ADAMTSL1: variants seen among roughly 807,000 people sequenced by gnomAD.
ADAMTSL1 encodes ADAMTS-like protein 1.
Under a neutral mutation model 201.8 loss-of-function variants are expected in ADAMTSL1, and 126 were observed. The observed-to-expected ratio is 0.62, with a 90% CI of 0.54 to 0.72. The LOEUF is 0.72. Ranked by LOEUF, ADAMTSL1 falls within the 30% of genes least tolerant of loss-of-function variation. ADAMTSL1 has a pLI of 0.00. For missense variants in ADAMTSL1, 2,679 were observed against 2,277.8 expected (o/e 1.18, Z -3.59); for synonymous variants, 1,121 against 903.4 (o/e 1.24, Z -4.32).
At chr9:18,829,633 C>G (rs1474337807) in intron 22 of ADAMTSL1, among the ~76,000 whole-genome samples, 1 of 152,174 alleles carries the variant, frequency 6.6e-6, no homozygotes, top group African/African-American at 2.4e-5. Flanking sequence ...CTTATTATTT[C>G]AGGCATCAAA....
In ADAMTSL1 at chr9:18,632,935, A is replaced by G. The variant is rs1333735642; in HGVS notation, c.602-3008A>G. ...ATACCCTCTTCCTCAACAACTTTCT[A>G]GGAGGTTCTTCTCCTCTCTTTTTTG... On this transcript the variant is annotated intron_variant, in intron 5 of 28. Transcript: ENST00000380548. Among the ~76,000 whole-genome samples the G allele has an allele frequency of 2.6e-5, 4 of 152,236 alleles. No individual in the cohort carries two copies. The East Asian group carries it at 7.7e-4, about 29-fold the overall frequency.
chr9:17,966,093 T>C (rs536782531), intron 1 of ADAMTSL1, among the ~76,000 whole-genome samples: 3 of 152,284 alleles, frequency 2.0e-5, no homozygotes, highest in Admixed American at 2.0e-4. Flanking sequence ...CCACATATTT[T>C]AGAAATGTTG....
Position 18,685,022 on chromosome 9 carries a change from G to A in ADAMTSL1, c.1574+222G>A. ...GTTTTGCCTAAAGTAAGAAAATGAA[G>A]GTGTAGTGCTTACCCTCTTCTCCAA... On this transcript the variant is annotated intron_variant, in intron 13 of 28. Transcript: ENST00000380548. 3.2e-6 allele frequency: 4 copies of A among 1,267,010 alleles called. No individual in the cohort carries two copies. In the South Asian group the frequency reaches 8.1e-5, roughly 26 times the overall value. 78.5% of individuals were successfully genotyped at this position (1,267,010 alleles called of 1,614,324 possible).
intron 15 of ADAMTSL1, among the ~76,000 whole-genome samples, chr9:18,748,188 G>A (rs1411112530): frequency 2.0e-5 from 3 of 152,106 alleles, no homozygotes; most frequent in African/African-American, 7.2e-5. Context: ...AAAGAATGCT[G>A]GGGAAACCAG....
chr9:18,502,100 T>C (rs1822873536), intron 1 of ADAMTSL1, among the ~76,000 whole-genome samples: 1 of 152,232 alleles, frequency 6.6e-6, no homozygotes, highest in Admixed American at 6.5e-5. Context: ...TCTCCAAGGA[T>C]TTGGCATTCG....
At chr9:18,443,484 C>T (rs939430723) in intron 2 of ADAMTSL1, among the ~76,000 whole-genome samples, 2 of 152,168 alleles carry the variant, frequency 1.3e-5, no homozygotes, top group Non-Finnish European at 1.5e-5. Context: ...AGGTATTCTT[C>T]TCAGGGTTTT....
intron 23 of ADAMTSL1, among the ~76,000 whole-genome samples, chr9:18,844,736 G>A (rs1352220093): frequency 6.6e-6 from 1 of 152,246 alleles, no homozygotes; most frequent in African/African-American, 2.4e-5. Context: ...GCAAGCCTGG[G>A]CAATGGCGGG....
At chr9:17,956,112 A>G (rs1428460772) in intron 1 of ADAMTSL1, among the ~76,000 whole-genome samples, 3 of 152,208 alleles carry the variant, frequency 2.0e-5, no homozygotes, top group Non-Finnish European at 4.4e-5. Flanking sequence ...TATCCATGGA[A>G]CTAATATTAT....
At chr9:18,754,976 C>T (rs761457648) in intron 16 of ADAMTSL1, among the ~76,000 whole-genome samples, 6 of 152,074 alleles carry the variant, frequency 3.9e-5, no homozygotes, top group Non-Finnish European at 5.9e-5. Context: ...TTTTATTAGC[C>T]TTACTTTAGG....
At chr9:18,645,007 G>A (rs1299420522) in intron 7 of ADAMTSL1, among the ~76,000 whole-genome samples, 1 of 152,106 alleles carries the variant, frequency 6.6e-6, no homozygotes, top group Non-Finnish European at 1.5e-5. Flanking sequence ...CCCACCAACA[G>A]TGTAAAAGTG....
At chr9:18,769,841 G>C (rs1005815637) in intron 16 of ADAMTSL1, among the ~76,000 whole-genome samples, 9 of 152,138 alleles carry the variant, frequency 5.9e-5, no homozygotes, top group African/African-American at 1.4e-4. Context: ...GTGAAAAGCT[G>C]GGGACTCCTT....
chr9:17,913,487 C>T lies in ADAMTSL1; in HGVS notation c.87+6565C>T, dbSNP rs147921591. ...TGAATGGGAGTTCACTCATGAGACA[C>T]AACATACCAGAATCTCTGGGACACA... On this transcript the variant is annotated intron_variant, in intron 1 of 29. Coordinates refer to the ADAMTSL1 transcript ENST00000680146. 3.0e-3 allele frequency among the ~76,000 whole-genome samples: 454 copies of T among 152,148 alleles called. 2 individuals carry two copies. Among genetic ancestry groups the T allele is most frequent in the Admixed American group, 4.1e-3 (62 of 15,284 alleles).
At position 18,377,337 on chromosome 9, in the gene ADAMTSL1, A is replaced by G. The variant is rs75155945; in HGVS notation, c.208-127492A>G. 2.0e-5 allele frequency among the ~76,000 whole-genome samples: 3 copies of G among 152,334 alleles called. No individual in the cohort carries two copies. In the East Asian group the frequency reaches 5.8e-4, roughly 29 times the overall value. On this transcript the variant is annotated intron_variant, in intron 2 of 29. Transcript: ENST00000680146. ...TCTGGCTATAGTAGGCACTCAGTGA[A>G]TATTATATTTTGTTTAAAGCATTCT...
At chr9:18,345,975 C>T (rs957489647) in intron 2 of ADAMTSL1, among the ~76,000 whole-genome samples, 5 of 152,078 alleles carry the variant, frequency 3.3e-5, no homozygotes, top group Non-Finnish European at 5.9e-5. Flanking sequence ...TAGCAGTGGT[C>T]CTGGCCCTCT....
intron 2 of ADAMTSL1, among the ~76,000 whole-genome samples, chr9:18,338,725 G>A (rs1052156941): frequency 1.3e-5 from 2 of 152,104 alleles, no homozygotes; most frequent in Non-Finnish European, 2.9e-5. Flanking sequence ...TGTCACCAAG[G>A]TAATAAACAT....
At chr9:17,999,876 C>T (rs4007669) in intron 1 of ADAMTSL1, among the ~76,000 whole-genome samples, 10,418 of 146,088 alleles carry the variant, frequency 0.071, 397 homozygotes, top group African/African-American at 0.099. Flanking sequence ...GTTCTTGCGA[C>T]AGTTTACTGA....
chr9:18,511,275 T>C (rs146003445), intron 2 of ADAMTSL1, among the ~76,000 whole-genome samples: 1 of 151,936 alleles, frequency 6.6e-6, no homozygotes, highest in East Asian at 1.9e-4. Context: ...ATTAATATTG[T>C]ATTAAGAGCA....
intron 9 of ADAMTSL1, among the ~76,000 whole-genome samples, chr9:18,665,592 G>A (rs991539154): frequency 6.6e-6 from 1 of 152,036 alleles, no homozygotes; most frequent in Non-Finnish European, 1.5e-5. Context: ...GGCATGGAGG[G>A]GTCTCAGGAA....
intron 2 of ADAMTSL1, among the ~76,000 whole-genome samples, chr9:18,509,869 A>C (rs188425283): frequency 2.0e-5 from 3 of 152,218 alleles, no homozygotes; most frequent in Non-Finnish European, 4.4e-5. Context: ...TGGCTTTCTT[A>C]CTCATTTGTA....
Sources: allele counts gnomAD v4.1 joint callset (sites outside exome capture counted in the v4.1 genomes callset), GRCh38; gene constraint gnomAD v4.1.1; transcripts MANE v1.5; gene names NCBI Gene and HGNC (gene_info 2026-07-23, HGNC 2026-07-21).